Variants in NIPSNAP3B observed in about 807,000 individuals in gnomAD.
The protein encoded by NIPSNAP3B is protein NipSnap homolog 3B.
NIPSNAP3B carries 30 observed loss-of-function variants against 31.5 expected under a neutral mutation model. That is an observed-to-expected ratio of 0.95 (90% CI 0.71 to 1.29). NIPSNAP3B has a LOEUF of 1.29. Among genes scored for constraint, NIPSNAP3B ranks in the 50% most tolerant of loss-of-function variants. NIPSNAP3B has a pLI of 0.00. For missense variants in NIPSNAP3B, 269 were observed against 300.7 expected, an observed-to-expected ratio of 0.89 and a Z score of 0.78; for synonymous variants, 106 against 107.9, an observed-to-expected ratio of 0.98 and a Z score of 0.11.
At chr9:104,784,132 G>T in the NIPSNAP3B span, 1 of 705,246 alleles carries the variant, frequency 1.4e-6, no homozygotes, top group Non-Finnish European at 2.4e-6. Flanking sequence ...CAAAGGCACT[G>T]CCCCTGTAAT....
Position 104,776,887 on chromosome 9 carries a change from C to T in NIPSNAP3B, c.*3814C>T, listed in dbSNP as rs530463873. Among the ~76,000 whole-genome samples, 1 of 152,184 alleles carries T rather than the reference C, an allele frequency of 6.6e-6. No individual in the cohort carries two copies. The highest frequency in any genetic ancestry group is 1.9e-4 in the East Asian group (1 of 5,178). ...GAATTAACATATGAGATCTGTGAGT[C>T]TGAAAAAAGAAGTACATCATTCCTT... On this transcript the variant is annotated 3_prime_UTR_variant, in exon 6 of 6. Transcript: ENST00000374762.
the NIPSNAP3B span, chr9:104,788,352 G>A: frequency 6.5e-5 from 104 of 1,600,796 alleles, no homozygotes; most frequent in South Asian, 3.6e-4. Context: ...AAGTCAATGC[G>A]TGTGGAAAAG....
At position 104,774,558 on chromosome 9, in the gene NIPSNAP3B, C is replaced by T. The variant is rs887045756; in HGVS notation, c.*1485C>T. Reference sequence around the variant, plus strand: ...TGTTATAGTACCTTAGGGTTATGAACATCAATTACCTTTGAGCCTTACTAT... The same window carrying T: ...TGTTATAGTACCTTAGGGTTATGAATATCAATTACCTTTGAGCCTTACTAT... On this transcript the variant is annotated 3_prime_UTR_variant, in exon 6 of 6. Coordinates refer to ENST00000374762, the MANE Select transcript of NIPSNAP3B (RefSeq NM_018376.4). Among the ~76,000 whole-genome samples, 8 of 152,138 alleles carry T rather than the reference C, an allele frequency of 5.3e-5. No homozygotes were observed. Among genetic ancestry groups the T allele is most frequent in the South Asian group, 4.1e-4 (2 of 4,828 alleles).
downstream of NIPSNAP3B, among the ~76,000 whole-genome samples, chr9:104,779,296 A>C (rs1828401821): frequency 6.6e-6 from 1 of 152,206 alleles, no homozygotes; most frequent in South Asian, 2.1e-4. Context: ...AATTCATTAG[A>C]GCAGGAATTC....
downstream of NIPSNAP3B, among the ~76,000 whole-genome samples, chr9:104,780,810 A>G (rs1249692513): frequency 6.6e-6 from 1 of 152,258 alleles, no homozygotes; most frequent in Non-Finnish European, 1.5e-5. Context: ...GTTACTCAGT[A>G]TCTTAACCAA....
chr9:104,764,408 C>T, intron 1 of NIPSNAP3B, 108 bp downstream of exon 1: 3 of 925,882 alleles, frequency 3.2e-6, no homozygotes, highest in Non-Finnish European at 3.1e-6. Context: ...ACCTGGGGCC[C>T]CGCGCCGCCG....
intron 2 of NIPSNAP3B, 105 bp from the exon 3 acceptor site, chr9:104,768,758 G>C: frequency 3.5e-6 from 3 of 864,956 alleles, no homozygotes; most frequent in Non-Finnish European, 5.2e-6. Context: ...AATAACATGG[G>C]GTTCCCATAT....
chr9:104,785,658 A>G, the NIPSNAP3B span: 78 of 1,613,512 alleles, frequency 4.8e-5, no homozygotes, highest in Non-Finnish European at 5.1e-5. Context: ...AGGAAAAAAT[A>G]CCCAAATGGA....
intron 1 of NIPSNAP3B, 34 bp downstream of exon 1, chr9:104,764,334 C>CGGAGG (rs1357044798): frequency 5.8e-6 from 9 of 1,538,844 alleles, no homozygotes; most frequent in African/African-American, 1.4e-5. Flanking sequence ...GAGCCCTGGC[C>CGGAGG]GGAGGGGAGG....
rs114955285 is a variant in NIPSNAP3B at position 104,771,152 on chromosome 9, T to A, written c.580+154T>A. 1.1e-4 allele frequency: 67 copies of A among 610,384 alleles called. No homozygotes were observed. In the Middle Eastern group the frequency reaches 1.3e-3, roughly 12 times the overall value. The allele number at this position is 610,384 out of a possible 1,614,324, so 37.8% of individuals were successfully genotyped here. Reference sequence around the variant, plus strand: ...AAATCTATAAGCATCTTATTTTACATCTTATTTTTTTAGAATGTTAATACT... The same window carrying A: ...AAATCTATAAGCATCTTATTTTACAACTTATTTTTTTAGAATGTTAATACT... On this transcript the variant is annotated intron_variant, in intron 4 of 5. Coordinates refer to ENST00000374762, the MANE Select transcript of NIPSNAP3B (RefSeq NM_018376.4).
At chr9:104,788,185 A>G in the NIPSNAP3B span, 1 of 1,222,382 alleles carries the variant, frequency 8.2e-7, no homozygotes, top group South Asian at 1.2e-5. Context: ...ACAACTGGTG[A>G]GGAGCCAAAG....
intron 1 of NIPSNAP3B, among the ~76,000 whole-genome samples, chr9:104,765,974 G>A (rs572433673): frequency 6.6e-6 from 1 of 152,252 alleles, no homozygotes; most frequent in East Asian, 1.9e-4. Flanking sequence ...ATGGAATATT[G>A]GCTAAACAGG....
intron 4 of NIPSNAP3B, 54 bp from the exon 5 acceptor site, chr9:104,772,768 T>G (rs1828251507): frequency 1.3e-6 from 2 of 1,552,036 alleles, no homozygotes; most frequent in Non-Finnish European, 1.8e-6. Context: ...TTTCAATATT[T>G]CTTATTTGCT....
At chr9:104,785,307 T>C in the NIPSNAP3B span, 1 of 1,544,168 alleles carries the variant, frequency 6.5e-7, no homozygotes. Context: ...CAATTCAAGA[T>C]ACAAACTGCT....
At chr9:104,779,072 T>C (rs889380598), downstream of NIPSNAP3B, among the ~76,000 whole-genome samples, 9 of 152,266 alleles carry the variant, frequency 5.9e-5, no homozygotes, top group Admixed American at 1.3e-4. Context: ...GCAACACTTA[T>C]TCTTTCTTCC....
the NIPSNAP3B span, among the ~76,000 whole-genome samples, chr9:104,785,125 G>C: frequency 6.6e-6 from 1 of 152,168 alleles, no homozygotes; most frequent in Admixed American, 6.5e-5. Context: ...TAGGCACCAA[G>C]TAAAATGCCT....
At chr9:104,780,141 C>T (rs976236907), downstream of NIPSNAP3B, among the ~76,000 whole-genome samples, 5 of 152,162 alleles carry the variant, frequency 3.3e-5, no homozygotes, top group South Asian at 2.1e-4. Flanking sequence ...TCATTGTTCA[C>T]GAAGAAACAG....
intron 2 of NIPSNAP3B, among the ~76,000 whole-genome samples, chr9:104,768,023 G>C (rs1279565306): frequency 6.6e-6 from 1 of 152,068 alleles, no homozygotes; most frequent in Non-Finnish European, 1.5e-5. Flanking sequence ...AGCATCTCTA[G>C]ATTATTTTTA....
At chr9:104,769,208 C>T (rs912612805) in intron 3 of NIPSNAP3B, among the ~76,000 whole-genome samples, 187 bp downstream of exon 3, 2 of 152,130 alleles carry the variant, frequency 1.3e-5, no homozygotes, top group Admixed American at 6.5e-5. Context: ...AATCTCAGCA[C>T]TTTGGAAGGC....
Sources: allele counts gnomAD v4.1 joint callset (sites outside exome capture counted in the v4.1 genomes callset), GRCh38; gene constraint gnomAD v4.1.1; transcripts MANE v1.5; gene names NCBI Gene and HGNC (gene_info 2026-07-23, HGNC 2026-07-21).